The following FRMD4A variants were observed in gnomAD, a reference collection of about 807,000 sequenced individuals.
FRMD4A encodes the protein FERM domain containing 4A.
In FRMD4A, 29 loss-of-function variants were observed where a neutral mutation model predicts 129.1. The ratio of observed to expected loss-of-function variants is 0.22; its 90% confidence interval spans 0.17 to 0.31. The LOEUF is 0.31. FRMD4A is among the 10% of genes least tolerant of loss of function. The pLI is 1.00. For missense variants in FRMD4A, 1,272 were observed against 1,375.8 expected, an observed-to-expected ratio of 0.92 and a Z score of 1.19; for synonymous variants, 634 against 571.6, an observed-to-expected ratio of 1.11 and a Z score of -1.56.
chr10:14,068,594 G>A (rs1399338630), intron 2 of FRMD4A, among the ~76,000 whole-genome samples: 1 of 152,100 alleles, frequency 6.6e-6, no homozygotes, highest in African/African-American at 2.4e-5. Flanking sequence ...GGATTGGGAG[G>A]AAACTTCTCC....
chr10:13,801,713 A>G (rs1462811726), intron 4 of FRMD4A, among the ~76,000 whole-genome samples: 5 of 152,134 alleles, frequency 3.3e-5, no homozygotes, highest in Non-Finnish European at 7.4e-5. Context: ...ACTTGTTACA[A>G]TGTTGTTTTC....
intron 5 of FRMD4A, among the ~76,000 whole-genome samples, chr10:13,789,995 C>G (rs995903491): frequency 6.6e-6 from 1 of 151,960 alleles, no homozygotes; most frequent in African/African-American, 2.4e-5. Context: ...GGGGTCAAGG[C>G]CAGACGCAGA....
chr10:13,829,784 G>C (rs184935211), intron 3 of FRMD4A, among the ~76,000 whole-genome samples: 5 of 152,262 alleles, frequency 3.3e-5, no homozygotes, highest in African/African-American at 1.2e-4. Flanking sequence ...ACCCATCTGT[G>C]GGAATTCAGG....
At chr10:14,151,522 T>TA (rs1442897185) in intron 2 of FRMD4A, among the ~76,000 whole-genome samples, 2 of 152,088 alleles carry the variant, frequency 1.3e-5, no homozygotes, top group Non-Finnish European at 2.9e-5. Context: ...AGGAGAGGGT[T>TA]AAAAAATTAC....
At chr10:13,870,208 G>C (rs1206600613) in intron 2 of FRMD4A, among the ~76,000 whole-genome samples, 1 of 152,260 alleles carries the variant, frequency 6.6e-6, no homozygotes, top group Non-Finnish European at 1.5e-5. Flanking sequence ...CCAGAGGCCA[G>C]TCCTGCTGTG....
intron 3 of FRMD4A, among the ~76,000 whole-genome samples, chr10:13,822,598 G>C (rs1167462195): frequency 6.6e-6 from 1 of 152,188 alleles, no homozygotes; most frequent in African/African-American, 2.4e-5. Context: ...ACACCCTCTT[G>C]AGCTGGTTTG....
chr10:14,041,594 C>G lies in FRMD4A; in HGVS notation c.46-182682G>C, dbSNP rs576295812. Among the ~76,000 whole-genome samples, 3 of 152,146 alleles carry G rather than the reference C, an allele frequency of 2.0e-5. No individual in the cohort carries two copies. The East Asian group carries it at 5.8e-4, about 29-fold the overall frequency. On this transcript the variant is annotated intron_variant, in intron 2 of 24. Transcript: ENST00000357447. ...ATGAGTCCATATGAGCCCCAAAAGG[C>G]GTGACCAGGGATTTTCATAGCAGGA...
intron 8 of FRMD4A, among the ~76,000 whole-genome samples, chr10:13,750,486 A>G (rs1564740358): frequency 2.0e-5 from 3 of 152,208 alleles, no homozygotes; most frequent in Admixed American, 6.5e-5. Flanking sequence ...GATCATGTCA[A>G]TCCAAACAGC....
intron 2 of FRMD4A, among the ~76,000 whole-genome samples, chr10:13,878,489 A>G (rs1326852475): frequency 1.3e-5 from 2 of 152,144 alleles, no homozygotes; most frequent in Non-Finnish European, 2.9e-5. Flanking sequence ...ATGGTGGCTC[A>G]CACCTGTAAT....
At chr10:14,183,305 T>G (rs1374468101) in intron 2 of FRMD4A, among the ~76,000 whole-genome samples, 9 of 152,242 alleles carry the variant, frequency 5.9e-5, no homozygotes, top group Admixed American at 5.9e-4. Flanking sequence ...TACACATTAA[T>G]TTATTTAGAA....
intron 2 of FRMD4A, among the ~76,000 whole-genome samples, chr10:14,294,207 A>G (rs1343373773): frequency 6.6e-6 from 1 of 152,154 alleles, no homozygotes; most frequent in African/African-American, 2.4e-5. Context: ...TCTTTATACT[A>G]GCCATATGTT....
chr10:13,817,125 A>T (rs555587889), intron 3 of FRMD4A, among the ~76,000 whole-genome samples: 6 of 152,338 alleles, frequency 3.9e-5, no homozygotes, highest in African/African-American at 1.4e-4. Flanking sequence ...TCTCAGTGGC[A>T]CCACTCACAG....
chr10:13,905,866 C>T (rs1047238564), intron 2 of FRMD4A, among the ~76,000 whole-genome samples: 2 of 152,174 alleles, frequency 1.3e-5, no homozygotes, highest in Non-Finnish European at 2.9e-5. Context: ...GCTTGCAGTG[C>T]GAAGTCTCAG....
intron 2 of FRMD4A, among the ~76,000 whole-genome samples, chr10:14,307,051 A>G (rs780091690): frequency 6.6e-6 from 1 of 152,244 alleles, no homozygotes; most frequent in Non-Finnish European, 1.5e-5. Flanking sequence ...TACATTGATG[A>G]CAGGCAAATG....
chr10:14,237,221 A>G (rs1478684444), intron 2 of FRMD4A, among the ~76,000 whole-genome samples: 1 of 152,140 alleles, frequency 6.6e-6, no homozygotes, highest in African/African-American at 2.4e-5. Context: ...CCAAGACTCT[A>G]GAATATGGGA....
At chr10:14,004,211 G>A (rs1588736652) in intron 2 of FRMD4A, among the ~76,000 whole-genome samples, 1 of 152,184 alleles carries the variant, frequency 6.6e-6, no homozygotes, top group Non-Finnish European at 1.5e-5. Context: ...CAGGAGACAG[G>A]GAGGTGTGTC....
chr10:14,254,568 G>A (rs942406196), intron 2 of FRMD4A, among the ~76,000 whole-genome samples: 8 of 152,144 alleles, frequency 5.3e-5, no homozygotes, highest in African/African-American at 9.6e-5. Context: ...CTGTGGATAC[G>A]CCTAGCACCT....
At chr10:14,211,964 T>G (rs1842944439) in intron 2 of FRMD4A, among the ~76,000 whole-genome samples, 1 of 152,220 alleles carries the variant, frequency 6.6e-6, no homozygotes, top group African/African-American at 2.4e-5. Flanking sequence ...CTCTCTGTGA[T>G]GGAGACCTGT....
chr10:14,150,300 A>G (rs910704941), intron 2 of FRMD4A, among the ~76,000 whole-genome samples: 2 of 152,202 alleles, frequency 1.3e-5, no homozygotes, highest in Non-Finnish European at 2.9e-5. Context: ...TGCATATTTC[A>G]TATGTGGACT....
Sources: allele counts gnomAD v4.1 joint callset (sites outside exome capture counted in the v4.1 genomes callset), GRCh38; gene constraint gnomAD v4.1.1; transcripts MANE v1.5; gene names NCBI Gene and HGNC (gene_info 2026-07-23, HGNC 2026-07-21).